Variants in HBEGF observed in about 807,000 individuals in gnomAD.
HBEGF encodes the protein heparin binding EGF like growth factor.
In HBEGF, 8 loss-of-function variants were observed where a neutral mutation model predicts 19.5. That is an observed-to-expected ratio of 0.41 (90% confidence interval 0.24 to 0.74). The LOEUF (loss-of-function observed/expected upper bound fraction) is 0.74. Ranked by LOEUF, HBEGF falls within the 30% of genes least tolerant of loss-of-function variation. HBEGF has a pLI of 0.32. For missense variants in HBEGF, 207 were observed against 256.9 expected (o/e 0.81, Z 1.33); for synonymous variants, 97 against 108.9 (o/e 0.89, Z 0.68).
At chr5:140,340,296 A>G (rs1369786252) in intron 3 of HBEGF, among the ~76,000 whole-genome samples, 1 of 149,232 alleles carries the variant, frequency 6.7e-6, no homozygotes, top group Non-Finnish European at 1.5e-5. Flanking sequence ...AAAAAAAAAA[A>G]AGGCTAGATA....
In HBEGF at chr5:140,346,282, C is replaced by T; in HGVS notation, c.46+1G>A. 1 of 1,606,366 alleles carries T rather than the reference C, an allele frequency of 6.2e-7. No homozygotes were observed. The highest frequency in any genetic ancestry group is 8.5e-7 in the Non-Finnish European group (1 of 1,176,904). On this transcript the variant is annotated splice_donor_variant, in intron 1 of 5. Coordinates refer to ENST00000230990, the MANE Select transcript of HBEGF (RefSeq NM_001945.3). LOFTEE classifies it high-confidence loss of function. The surrounding 1 kb of genome is among the most constrained non-coding windows in gnomAD (Gnocchi z 6.1). ...TCCGGGGGCGTCGGCAGCCCTCTTACCTGCAGCCAGAAAGAGCTTCAGCAC... is the reference window on the plus strand; with the variant it reads ...TCCGGGGGCGTCGGCAGCCCTCTTATCTGCAGCCAGAAAGAGCTTCAGCAC...
chr5:140,337,409 ACAGTG>A (rs1249868588), intron 3 of HBEGF, among the ~76,000 whole-genome samples: 167 of 152,332 alleles, frequency 1.1e-3, no homozygotes, highest in African/African-American at 3.8e-3. Flanking sequence ...GCCAGGGGGC[ACAGTG>A]GCACTGTCTG....
chr5:140,346,523 C>T lies in HBEGF; in HGVS notation c.-195G>A, dbSNP rs1196475103. On this transcript the variant is annotated 5_prime_UTR_variant, in exon 1 of 6. Transcript: ENST00000230990. The surrounding 1 kb of genome is among the most constrained non-coding windows in gnomAD (Gnocchi z 6.1). Reference sequence around the variant, plus strand: ...TGAGTGTCTTGTCTTGCTCACTCAGCCCGCCCGCGCGGCCGCCCGACCCCG... The same window carrying T: ...TGAGTGTCTTGTCTTGCTCACTCAGTCCGCCCGCGCGGCCGCCCGACCCCG... 3.3e-5 allele frequency: 21 copies of T among 643,568 alleles called. No individual in the cohort carries two copies. The highest frequency in any genetic ancestry group is 2.7e-4 in the South Asian group (14 of 51,400). 39.9% of individuals were successfully genotyped at this position (643,568 alleles called of 1,614,324 possible).
At chr5:140,334,961 T>A (rs1378332411) in intron 4 of HBEGF, 3 of 597,452 alleles carry the variant, frequency 5.0e-6, no homozygotes, top group African/African-American at 1.9e-5. Context: ...AGCTTTCACC[T>A]CATTTACGTG....
chr5:140,340,435 T>C (rs1766290200), intron 3 of HBEGF, among the ~76,000 whole-genome samples: 1 of 151,774 alleles, frequency 6.6e-6, no homozygotes, highest in Non-Finnish European at 1.5e-5. Flanking sequence ...TAAAAATTAT[T>C]AATTCGGCAT....
Position 140,346,456 on chromosome 5 carries a change from G to C in HBEGF, c.-128C>G. ...CGGGCACCGTCTGCCGCCCGCCTCT[G>C]CGTGCAAGCCTGGCCGGGACCCAGG... On this transcript the variant is annotated 5_prime_UTR_variant, in exon 1 of 6. Transcript: ENST00000230990. The surrounding 1 kb of genome is among the most constrained non-coding windows in gnomAD (Gnocchi z 6.1). 9.7e-7 allele frequency: 1 copy of C among 1,032,066 alleles called. No individual in the cohort carries two copies. Among genetic ancestry groups the C allele is most frequent in the Non-Finnish European group, 1.5e-6 (1 of 689,354 alleles). The allele number at this position is 1,032,066 out of a possible 1,614,324, so 63.9% of individuals were successfully genotyped here.
At position 140,346,602 on chromosome 5, in the gene HBEGF, A is replaced by C; in HGVS notation, c.-274T>G. ...TGGCCCGCGTAGCTCCTTCGGCCGA[A>C]TGAGCGCTGCCCGGCTCGCGGCCGG... is the stretch of plus-strand genomic sequence containing the variant. On this transcript the variant is annotated 5_prime_UTR_variant, in exon 1 of 6. Transcript: ENST00000230990. The surrounding 1 kb of genome is among the most constrained non-coding windows in gnomAD (Gnocchi z 6.1). The C allele has an allele frequency of 6.3e-6, 3 of 476,112 alleles. No homozygotes were observed. Among genetic ancestry groups the C allele is most frequent in the East Asian group, 3.7e-5 (1 of 26,854 alleles). 29.5% of individuals were successfully genotyped at this position (476,112 alleles called of 1,614,324 possible).
chr5:140,334,921 G>A, intron 4 of HBEGF, 173 bp from the exon 5 acceptor site: 1 of 629,048 alleles, frequency 1.6e-6, no homozygotes, highest in South Asian at 1.9e-5. Context: ...AGGAACTCCT[G>A]TCTCTAATAG....
At chr5:140,344,938 C>T (rs1472185091) in intron 2 of HBEGF, among the ~76,000 whole-genome samples, 2 of 152,126 alleles carry the variant, frequency 1.3e-5, no homozygotes, top group African/African-American at 4.8e-5. Context: ...CTGTTCAGGT[C>T]ATGGGCAACC....
chr5:140,339,867 T>C (rs1320908633), intron 3 of HBEGF, among the ~76,000 whole-genome samples: 1 of 152,042 alleles, frequency 6.6e-6, no homozygotes, highest in Non-Finnish European at 1.5e-5. Flanking sequence ...GCCACAAAGA[T>C]CCCCAGATGA....
chr5:140,342,591 CAA>C, intron 3 of HBEGF, 42 bp downstream of exon 3: 1 of 1,577,608 alleles, frequency 6.3e-7, no homozygotes, highest in Non-Finnish European at 8.7e-7. Flanking sequence ...ACGTGGCTGA[CAA>C]AGTGTGCTGA....
intron 2 of HBEGF, 197 bp from the exon 3 acceptor site, chr5:140,343,009 G>T (rs905272581): frequency 1.7e-6 from 1 of 595,706 alleles, no homozygotes; most frequent in Admixed American, 2.9e-5. Context: ...AGGGAACCTC[G>T]GTAGGAAGTA....
chr5:140,339,042 C>T (rs1291879536), intron 3 of HBEGF, among the ~76,000 whole-genome samples: 1 of 152,196 alleles, frequency 6.6e-6, no homozygotes, highest in East Asian at 1.9e-4. Flanking sequence ...ATGCCTACTT[C>T]ACTAGAGTAT....
At chr5:140,339,609 G>A (rs1766278280) in intron 3 of HBEGF, among the ~76,000 whole-genome samples, 1 of 152,038 alleles carries the variant, frequency 6.6e-6, no homozygotes, top group Non-Finnish European at 1.5e-5. Context: ...GGCCAGGCTG[G>A]TCTCGAACTC....
chr5:140,335,891 C>A lies in HBEGF; in HGVS notation c.535G>T (p.Val179Leu). ...VLSSVCLLVI[V>L]GLLMFRYHRR... The stretch of plus-strand genomic sequence containing the variant: ...ACTCACCTAAACATGAGAAGCCCCA[C>A]GATGACCAGCAGACAGACAGATGAC... Residue 179 changes from valine to leucine, a missense_variant, in exon 4 of 6, where the codon GTG becomes TTG. By Grantham distance (32) the Val-to-Leu change is conservative. Transcript: ENST00000230990. 2 of 1,614,070 alleles carry A rather than the reference C, an allele frequency of 1.2e-6. No homozygotes were observed. Among genetic ancestry groups the A allele is most frequent in the South Asian group, 1.1e-5 (1 of 91,068 alleles).
At chr5:140,341,062 G>C (rs1766304499) in intron 3 of HBEGF, among the ~76,000 whole-genome samples, 2 of 152,134 alleles carry the variant, frequency 1.3e-5, no homozygotes, top group Admixed American at 6.5e-5. Context: ...AACATACTTG[G>C]GCTCAACTCA....
rs1353756918 is a variant in HBEGF at position 140,334,720 on chromosome 5, C to A, written c.583G>T (p.Glu195Ter). The change falls in exon 5 of 6, where the codon GAA becomes TAA. Residue 195 changes from glutamate (E) to a stop codon, truncating the protein, a stop_gained. Coordinates refer to ENST00000230990, the MANE Select transcript of HBEGF (RefSeq NM_001945.3). LOFTEE classifies it high-confidence loss of function. ...RYHRRGGYDV[E>*]NEEKVKLGMT... ...CCCAACTTCACTTTCTCTTCATTTT[C>A]CACATCATAACCTCCTCTCCTATGG... 3 of 1,613,914 alleles carry A rather than the reference C, an allele frequency of 1.9e-6. No individual in the cohort carries two copies. The highest frequency in any genetic ancestry group is 2.5e-6 in the Non-Finnish European group (3 of 1,179,794).
At chr5:140,342,247 C>A (rs1357316397) in intron 3 of HBEGF, among the ~76,000 whole-genome samples, 1 of 152,154 alleles carries the variant, frequency 6.6e-6, no homozygotes, top group African/African-American at 2.4e-5. Flanking sequence ...GCACTTCCTA[C>A]CTTCCCACAG....
chr5:140,337,088 C>A (rs1766240090), intron 3 of HBEGF, among the ~76,000 whole-genome samples: 1 of 152,146 alleles, frequency 6.6e-6, no homozygotes, highest in Non-Finnish European at 1.5e-5. Flanking sequence ...GCCTCTGCCT[C>A]CCAATGTGCA....
Sources: allele counts gnomAD v4.1 joint callset (sites outside exome capture counted in the v4.1 genomes callset), GRCh38; gene constraint gnomAD v4.1.1; non-coding constraint Gnocchi (gnomAD v3.1); transcripts MANE v1.5; gene names NCBI Gene and HGNC (gene_info 2026-07-23, HGNC 2026-07-21).